The following WNK3 variants were observed in gnomAD, a reference collection of about 807,000 sequenced individuals.
The protein encoded by WNK3 is WNK lysine deficient protein kinase 3, also known as serine/threonine-protein kinase WNK3.
WNK3 carries 18 observed loss-of-function variants against 116.7 expected under a neutral mutation model. The observed-to-expected ratio is 0.15, with a 90% CI of 0.11 to 0.23. The LOEUF is 0.23. Among genes scored for constraint, WNK3 ranks in the 10% least tolerant of loss-of-function variants. The probability of loss-of-function intolerance (pLI) is 1.00; values close to 1 mark genes in which losing one functional copy is unlikely to be tolerated. For missense variants in WNK3, 993 were observed against 1,323.8 expected, an observed-to-expected ratio of 0.75 and a Z score of 3.88; for synonymous variants, 404 against 469.4, an observed-to-expected ratio of 0.86 and a Z score of 1.80.
At chrX:54,326,851 T>C in intron 2 of WNK3, among the ~76,000 whole-genome samples, 1 of 109,873 alleles carries the variant, frequency 9.1e-6, no homozygotes, top group East Asian at 2.9e-4. Flanking sequence ...CTAGGTGTGG[T>C]GGCAAGCGCC....
At chrX:54,253,352 A>G (rs2068156843) in intron 13 of WNK3, among the ~76,000 whole-genome samples, 1 of 111,267 alleles carries the variant, frequency 9.0e-6, no homozygotes, top group Non-Finnish European at 1.9e-5. Flanking sequence ...TACAGCCTCA[A>G]TCTCCTGGGC....
At chrX:54,357,564 C>T (rs1557179579) in intron 1 of WNK3, 122 bp downstream of exon 1, 1 of 111,106 alleles carries the variant, frequency 9.0e-6, no homozygotes, top group African/African-American at 3.3e-5. Context: ...TCCTAACAGA[C>T]TCTTGGCCGC....
intron 22 of WNK3, among the ~76,000 whole-genome samples, chrX:54,213,555 AAAAAAAAAACAAAC>A (rs1196798330): frequency 2.1e-5 from 2 of 95,750 alleles, no homozygotes; most frequent in African/African-American, 9.8e-5. Flanking sequence ...CTCCGTCTCA[AAAAAAAAAACAAAC>A]AAAAAAAAAA....
At chrX:54,303,468 G>T (rs925337724) in intron 5 of WNK3, among the ~76,000 whole-genome samples, 1 of 111,322 alleles carries the variant, frequency 9.0e-6, no homozygotes, top group South Asian at 3.8e-4. Context: ...ACAATGGAAA[G>T]AATAATTGTT....
chrX:54,345,256 CAA>C (rs2069400272), intron 1 of WNK3, among the ~76,000 whole-genome samples: 3 of 101,758 alleles, frequency 2.9e-5, no homozygotes, highest in Non-Finnish European at 6.0e-5. Context: ...ACAACAACAA[CAA>C]CAACAACAAC....
intron 5 of WNK3, among the ~76,000 whole-genome samples, chrX:54,302,757 A>ATATATATTT (rs1557167848): frequency 6.9e-5 from 3 of 43,371 alleles, no homozygotes; most frequent in African/African-American, 2.2e-4. Flanking sequence ...ATATATATAT[A>ATATATATTT]TTTTTTTTTT....
At position 54,226,776 on chromosome X, in the gene WNK3, G is replaced by A. The variant is rs782150236; in HGVS notation, c.4870+1938C>T. 3.5e-4 allele frequency among the ~76,000 whole-genome samples: 39 copies of A among 110,932 alleles called. 1 individual carries two copies. The highest frequency in any genetic ancestry group is 1.0e-3 in the African/African-American group (32 of 30,592). Reference sequence around the variant, plus strand: ...AATCGCTTGAACCTGGGAGGCGGACGTTGCAGTGAGCCGAGATCGCGCCAC... The same window carrying A: ...AATCGCTTGAACCTGGGAGGCGGACATTGCAGTGAGCCGAGATCGCGCCAC... On this transcript the variant is annotated intron_variant, in intron 22 of 23. Coordinates refer to ENST00000354646, the Ensembl canonical transcript of WNK3.
At position 54,215,469 on chromosome X, in the gene WNK3, A is replaced by G. The variant is rs782795200; in HGVS notation, c.4870+13245T>C. Reference sequence around the variant, plus strand: ...GCCTCCCGAGGTGCCGGGATTGCAGACGGAGTCTCGCTCACTCAGTGCTCA... The same window carrying G: ...GCCTCCCGAGGTGCCGGGATTGCAGGCGGAGTCTCGCTCACTCAGTGCTCA... On this transcript the variant is annotated intron_variant, in intron 22 of 23. Coordinates refer to ENST00000354646, the Ensembl canonical transcript of WNK3. 6.2e-5 allele frequency among the ~76,000 whole-genome samples: 7 copies of G among 112,644 alleles called. No individual in the cohort carries two copies. The Admixed American group carries it at 6.6e-4, about 11-fold the overall frequency.
At chrX:54,208,187 C>T (rs1016255148) in intron 22 of WNK3, among the ~76,000 whole-genome samples, 5 of 110,213 alleles carry the variant, frequency 4.5e-5, no homozygotes, top group African/African-American at 9.9e-5. Flanking sequence ...TGCAGTGGCG[C>T]GATCTCAGCT....
chrX:54,261,715 T>C (rs1201894505), intron 10 of WNK3, among the ~76,000 whole-genome samples: 2 of 111,951 alleles, frequency 1.8e-5, no homozygotes, highest in East Asian at 2.8e-4. Flanking sequence ...ATCTTAAGTG[T>C]TTAAGAACAT....
At chrX:54,296,617 T>C (rs112810545) in intron 7 of WNK3, among the ~76,000 whole-genome samples, 3,340 of 111,229 alleles carry the variant, frequency 0.03, 57 homozygotes, top group Non-Finnish European at 0.05. Context: ...AAAATAATCA[T>C]TCCAGTTTAG....
At chrX:54,348,586 T>C (rs929826685) in intron 1 of WNK3, among the ~76,000 whole-genome samples, 1 of 112,189 alleles carries the variant, frequency 8.9e-6, no homozygotes, top group Non-Finnish European at 1.9e-5. Flanking sequence ...GCTGCCAAAT[T>C]GCCTTCCATG....
At chrX:54,350,900 T>C (rs2069505862) in intron 1 of WNK3, among the ~76,000 whole-genome samples, 1 of 111,324 alleles carries the variant, frequency 9.0e-6, no homozygotes, top group African/African-American at 3.3e-5. Flanking sequence ...AAGATGGATA[T>C]ATACTGATAT....
chrX:54,203,018 T>G (rs1356664078), intron 22 of WNK3, among the ~76,000 whole-genome samples: 1 of 111,782 alleles, frequency 8.9e-6, no homozygotes. Flanking sequence ...CTTTTCAATG[T>G]ACCATACTGA....
At chrX:54,204,190 G>T (rs782149019) in intron 22 of WNK3, among the ~76,000 whole-genome samples, 21 of 110,856 alleles carry the variant, frequency 1.9e-4, no homozygotes, top group Non-Finnish European at 2.1e-4. Flanking sequence ...CGCGATCTTG[G>T]CTCACTACAA....
intron 1 of WNK3, among the ~76,000 whole-genome samples, chrX:54,344,791 A>T (rs1481302499): frequency 9.2e-6 from 1 of 108,838 alleles, no homozygotes; most frequent in Admixed American, 9.9e-5. Context: ...AAAAATACAA[A>T]ATTTTAGCCG....
intron 2 of WNK3, among the ~76,000 whole-genome samples, chrX:54,323,809 T>C (rs782708886): frequency 3.6e-5 from 4 of 111,537 alleles, no homozygotes; most frequent in African/African-American, 1.3e-4. Flanking sequence ...GTCTGCTTTT[T>C]CTCCCCATTA....
intron 22 of WNK3, among the ~76,000 whole-genome samples, chrX:54,216,879 C>A (rs1557145431): frequency 8.9e-6 from 1 of 112,016 alleles, no homozygotes; most frequent in Non-Finnish European, 1.9e-5. Flanking sequence ...TAAATAAAAA[C>A]AAATCCAACA....
At chrX:54,215,263 G>A (rs889416997) in intron 22 of WNK3, among the ~76,000 whole-genome samples, 4 of 110,657 alleles carry the variant, frequency 3.6e-5, no homozygotes, top group Non-Finnish European at 5.7e-5. Context: ...CTGTACTGCC[G>A]CCATCTTGGC....
Sources: allele counts gnomAD v4.1 joint callset (sites outside exome capture counted in the v4.1 genomes callset), GRCh38; gene constraint gnomAD v4.1.1; transcripts MANE v1.5; gene names NCBI Gene and HGNC (gene_info 2026-07-23, HGNC 2026-07-21).